TECPR2: variants seen among roughly 807,000 people sequenced by gnomAD.
TECPR2 encodes tectonin beta-propeller repeat-containing protein 2.
TECPR2 carries 65 observed loss-of-function variants against 138.1 expected under a neutral mutation model. That is an observed-to-expected ratio of 0.47 (90% CI 0.39 to 0.58). The LOEUF is 0.58. TECPR2 is among the 20% of genes least tolerant of loss of function. The pLI is 0.00. For synonymous variants in TECPR2, 746 were observed against 749.8 expected (o/e 0.99, Z 0.08); for missense variants, 1,553 against 1,824.5 (o/e 0.85, Z 2.71).
intron 2 of TECPR2, among the ~76,000 whole-genome samples, chr14:102,394,795 CCTT>C (rs1311767029): frequency 2.6e-5 from 4 of 152,186 alleles, no homozygotes; most frequent in Non-Finnish European, 5.9e-5. Flanking sequence ...TTGCTGCCAT[CCTT>C]CTCACAAGGT....
intron 10 of TECPR2, among the ~76,000 whole-genome samples, chr14:102,439,844 G>A (rs1056964452): frequency 2.0e-5 from 3 of 152,214 alleles, no homozygotes; most frequent in African/African-American, 7.2e-5. Flanking sequence ...TCCAGCTGCA[G>A]CGCTATCCTG....
chr14:102,486,144 G>A (rs1006624326), intron 17 of TECPR2, among the ~76,000 whole-genome samples: 73 of 152,222 alleles, frequency 4.8e-4, no homozygotes, highest in African/African-American at 1.7e-3. Context: ...AGGCCCAGCA[G>A]TAACTGGAGT....
At chr14:102,481,650 T>C (rs1342746646) in intron 17 of TECPR2, among the ~76,000 whole-genome samples, 1 of 152,182 alleles carries the variant, frequency 6.6e-6, no homozygotes, top group Non-Finnish European at 1.5e-5. Context: ...TAGGTTGACA[T>C]GTCAGTGGGT....
At chr14:102,392,470 CA>C (rs1453947247) in intron 2 of TECPR2, among the ~76,000 whole-genome samples, 1 of 152,120 alleles carries the variant, frequency 6.6e-6, no homozygotes, top group Non-Finnish European at 1.5e-5. Context: ...TCATTCCACC[CA>C]GTGACATTTT....
chr14:102,478,297 C>T (rs536693251), intron 17 of TECPR2, among the ~76,000 whole-genome samples: 4 of 152,066 alleles, frequency 2.6e-5, no homozygotes, highest in African/African-American at 9.6e-5. Flanking sequence ...AAGCCTCCCA[C>T]CTTAGCCTCC....
intron 17 of TECPR2, among the ~76,000 whole-genome samples, chr14:102,485,453 C>T (rs1405859447): frequency 6.6e-6 from 1 of 152,162 alleles, no homozygotes; most frequent in East Asian, 1.9e-4. Context: ...TTCTTCAAAA[C>T]TTGCTTCTAG....
chr14:102,441,686 G>A (rs1466820473), intron 11 of TECPR2, among the ~76,000 whole-genome samples: 5 of 151,934 alleles, frequency 3.3e-5, no homozygotes, highest in Admixed American at 6.6e-5. Flanking sequence ...GCGAGACTCC[G>A]TCTCAAAACA....
chr14:102,369,559 G>T (rs867663471), intron 1 of TECPR2, among the ~76,000 whole-genome samples: 2 of 151,774 alleles, frequency 1.3e-5, no homozygotes, highest in South Asian at 4.2e-4. Context: ...TGAGTAGATG[G>T]TACTACAGGC....
intron 2 of TECPR2, among the ~76,000 whole-genome samples, chr14:102,399,789 C>T (rs1232151265): frequency 1.3e-5 from 2 of 151,078 alleles, no homozygotes; most frequent in African/African-American, 4.9e-5. Flanking sequence ...TGAGATCTGG[C>T]CACTGCGCTC....
chr14:102,375,606 C>T (rs1159961329), intron 1 of TECPR2, among the ~76,000 whole-genome samples: 1 of 152,118 alleles, frequency 6.6e-6, no homozygotes. Context: ...AAATAGAAAA[C>T]CTACAGTTCA....
intron 4 of TECPR2, 36 bp from the exon 5 acceptor site, chr14:102,414,600 C>G: frequency 6.2e-7 from 1 of 1,610,406 alleles, no homozygotes; most frequent in East Asian, 2.2e-5. Flanking sequence ...TTTAGCCTGG[C>G]GCTGATGTGA....
intron 8 of TECPR2, among the ~76,000 whole-genome samples, chr14:102,433,183 C>CTT (rs527522602): frequency 7.0e-6 from 1 of 143,820 alleles, no homozygotes; most frequent in Non-Finnish European, 1.5e-5. Context: ...GAATTTTTTT[C>CTT]TTTTTTTTTT....
At chr14:102,378,711 A>G (rs934676978) in intron 2 of TECPR2, among the ~76,000 whole-genome samples, 2 of 151,834 alleles carry the variant, frequency 1.3e-5, no homozygotes, top group African/African-American at 4.8e-5. Flanking sequence ...TGCAACCTCC[A>G]CCTCCCAGGT....
chr14:102,482,213 C>G (rs1472743486), intron 17 of TECPR2, among the ~76,000 whole-genome samples: 2 of 152,264 alleles, frequency 1.3e-5, no homozygotes, highest in East Asian at 3.9e-4. Context: ...TGCCACCACA[C>G]CCAGCTAATT....
chr14:102,496,883 A>G, intron 17 of TECPR2, 96 bp from the exon 18 acceptor site: 1 of 1,540,780 alleles, frequency 6.5e-7, no homozygotes, highest in Non-Finnish European at 8.8e-7. Context: ...TGGCTGCTGC[A>G]TGCTGCCACT....
At chr14:102,392,630 A>G (rs1567321476) in intron 2 of TECPR2, among the ~76,000 whole-genome samples, 1 of 152,024 alleles carries the variant, frequency 6.6e-6, no homozygotes, top group Non-Finnish European at 1.5e-5. Flanking sequence ...GGGGTTGTTC[A>G]GTGCTGTTAT....
chr14:102,396,104 CTT>C (rs5811067), intron 2 of TECPR2, among the ~76,000 whole-genome samples: 74 of 136,316 alleles, frequency 5.4e-4, no homozygotes, highest in East Asian at 8.7e-4. Flanking sequence ...CTTTAGTACT[CTT>C]TTTTTTTTTT....
chr14:102,499,279 A>G lies in TECPR2; in HGVS notation c.*1022A>G. Reference sequence around the variant, plus strand: ...TAATGCTGCTGGCGGACATCCTAAAACCAGATGCATCCTCAGAGGACGAGT... The same window carrying G: ...TAATGCTGCTGGCGGACATCCTAAAGCCAGATGCATCCTCAGAGGACGAGT... On this transcript the variant is annotated 3_prime_UTR_variant, in exon 20 of 20. Transcript: ENST00000359520. The G allele has an allele frequency of 1.6e-6, 1 of 642,600 alleles. No individual in the cohort carries two copies. Among genetic ancestry groups the G allele is most frequent in the South Asian group, 1.7e-5 (1 of 58,286 alleles). 39.8% of individuals were successfully genotyped at this position (642,600 alleles called of 1,614,324 possible). A position where few individuals can be genotyped will look rare whatever the true frequency, so the allele number is the denominator to read the frequency against.
chr14:102,434,876 A>C lies in TECPR2; in HGVS notation c.2059A>C (p.Met687Leu), dbSNP rs771621538. The C allele has an allele frequency of 1.2e-6, 2 of 1,613,610 alleles. No homozygotes were observed. Among genetic ancestry groups the C allele is most frequent in the Admixed American group, 3.3e-5 (2 of 60,006 alleles). ...CCAAGAGCAGGACATCCTAACCAGC[A>C]TGGAGGCCTCTGGCCACCTCAGCAC... ...PSQEQDILTS[M>L]EASGHLSTNL... is the part of the protein sequence containing the mutation. The change falls in exon 9 of 20, where the codon ATG becomes CTG. Residue 687 changes from methionine to leucine, a missense_variant. Coordinates refer to ENST00000359520, the MANE Select transcript of TECPR2 (RefSeq NM_014844.5).
Sources: allele counts gnomAD v4.1 joint callset (sites outside exome capture counted in the v4.1 genomes callset), GRCh38; gene constraint gnomAD v4.1.1; transcripts MANE v1.5; gene names NCBI Gene and HGNC (gene_info 2026-07-23, HGNC 2026-07-21).